LRRC7: variants seen among roughly 807,000 people sequenced by gnomAD.
LRRC7 encodes leucine-rich repeat-containing protein 7.
Under a neutral mutation model 175.7 loss-of-function variants are expected in LRRC7, and 23 were observed. The observed-to-expected ratio is 0.13, with a 90% CI of 0.09 to 0.19. The LOEUF (loss-of-function observed/expected upper bound fraction) is 0.19, where lower values mean the gene tolerates loss of function less well. Ranked by LOEUF, LRRC7 falls within the 10% of genes least tolerant of loss-of-function variation. The probability of loss-of-function intolerance (pLI) is 1.00; values close to 1 mark genes in which losing one functional copy is unlikely to be tolerated. For synonymous variants in LRRC7, 685 were observed against 680.9 expected, an observed-to-expected ratio of 1.01 and a Z score of -0.09; for missense variants, 1,354 against 1,904.7, an observed-to-expected ratio of 0.71 and a Z score of 5.38.
rs572676296 is a variant in LRRC7, at chr1:69,685,710, CAG to C, written c.100+7234_100+7235del. Among the ~76,000 whole-genome samples the C allele has an allele frequency of 6.0e-3, 905 of 151,958 alleles. 7 individuals are homozygous for C. The highest frequency in any genetic ancestry group is 0.01 in the Non-Finnish European group (702 of 67,912). Reference sequence around the variant, plus strand: ...AGAATATACACTAAACAAAAATGAACAGAACCTCAGGGATTTGTGGAAAAATA... The same window carrying C: ...AGAATATACACTAAACAAAAATGAACAACCTCAGGGATTTGTGGAAAAATA... On this transcript the variant is annotated intron_variant, in intron 2 of 26. Coordinates refer to ENST00000651989, the MANE Select transcript of LRRC7 (RefSeq NM_001370785.2).
At chr1:70,063,367 A>G (rs1379542781) in intron 23 of LRRC7, among the ~76,000 whole-genome samples, 1 of 152,110 alleles carries the variant, frequency 6.6e-6, no homozygotes, top group Admixed American at 6.6e-5. Flanking sequence ...AAAAGCAAAA[A>G]TGCAGAATTA....
chr1:69,954,653 G>C (rs1446281357), intron 8 of LRRC7, among the ~76,000 whole-genome samples: 1 of 151,992 alleles, frequency 6.6e-6, no homozygotes, highest in African/African-American at 2.4e-5. Context: ...CTTACTGACT[G>C]GGTAATGTGA....
chr1:69,874,826 T>C (rs1453467658), intron 7 of LRRC7: 1 of 152,070 alleles, frequency 6.6e-6, no homozygotes, highest in Non-Finnish European at 1.5e-5. Flanking sequence ...TTTCCATGAG[T>C]ACTTATGAAG....
chr1:70,094,565 C>T (rs1490774235), intron 25 of LRRC7, among the ~76,000 whole-genome samples: 4 of 152,044 alleles, frequency 2.6e-5, no homozygotes, highest in Admixed American at 2.6e-4. Context: ...ATTATTGCCT[C>T]CAGATGCCCA....
At chr1:69,875,083 C>T (rs1431237433) in intron 7 of LRRC7, 1 of 151,982 alleles carries the variant, frequency 6.6e-6, no homozygotes, top group East Asian at 1.9e-4. Flanking sequence ...CCTTCAAATG[C>T]CACCAATTTA....
chr1:69,696,550 A>T (rs1456216008), intron 2 of LRRC7, among the ~76,000 whole-genome samples: 1 of 152,096 alleles, frequency 6.6e-6, no homozygotes, highest in Non-Finnish European at 1.5e-5. Flanking sequence ...AGAACAAGAG[A>T]TGATGTGGAG....
rs1194164492 is a variant in LRRC7 at position 70,028,276 on chromosome 1, G to A, written c.1900G>A (p.Val634Ile). The A allele has an allele frequency of 1.2e-6, 2 of 1,613,714 alleles. No homozygotes were observed. Among genetic ancestry groups the A allele is most frequent in the African/African-American group, 1.3e-5 (1 of 74,922 alleles). The stretch of plus-strand genomic sequence containing the variant: ...GGGTAAGCCAAGCCATGGAGTGCGT[G>A]TTGAGAATTCAAATCCAACTGCTAA... ...LVGKPSHGVR[V>I]ENSNPTANTE... Residue 634 changes from valine to isoleucine, a missense_variant, in exon 18 of 27, where the codon GTT becomes ATT. Coordinates refer to ENST00000651989, the MANE Select transcript of LRRC7 (RefSeq NM_001370785.2).
At chr1:69,719,307 A>G (rs924605934) in intron 2 of LRRC7, among the ~76,000 whole-genome samples, 2 of 151,776 alleles carry the variant, frequency 1.3e-5, no homozygotes, top group Non-Finnish European at 3.0e-5. Context: ...GTAATTATTC[A>G]ATGAATAAAT....
At chr1:70,045,064 T>C (rs1438715200) in intron 22 of LRRC7, among the ~76,000 whole-genome samples, 2 of 152,006 alleles carry the variant, frequency 1.3e-5, no homozygotes, top group Non-Finnish European at 1.5e-5. Flanking sequence ...GTTAATCTAG[T>C]TTTTTAATAA....
chr1:69,878,576 A>G (rs1422056778), intron 7 of LRRC7, among the ~76,000 whole-genome samples: 4 of 152,144 alleles, frequency 2.6e-5, no homozygotes, highest in African/African-American at 7.2e-5. Context: ...CTTCTGGCAG[A>G]TTTTCTGAGT....
At chr1:69,703,400 T>C (rs1663623847) in intron 2 of LRRC7, among the ~76,000 whole-genome samples, 1 of 152,056 alleles carries the variant, frequency 6.6e-6, no homozygotes, top group South Asian at 2.1e-4. Context: ...GTATTTTAGA[T>C]AAATTTTTAG....
At chr1:70,001,232 T>C (rs538199258) in intron 11 of LRRC7, among the ~76,000 whole-genome samples, 1 of 152,256 alleles carries the variant, frequency 6.6e-6, no homozygotes, top group East Asian at 1.9e-4. Flanking sequence ...TCAGTGTTCT[T>C]TAGTAAGAGG....
At chr1:69,918,081 T>C (rs1646773439) in intron 7 of LRRC7, among the ~76,000 whole-genome samples, 1 of 152,210 alleles carries the variant, frequency 6.6e-6, no homozygotes, top group Non-Finnish European at 1.5e-5. Context: ...AATCTATCCA[T>C]ACTTTTATCG....
At chr1:69,795,199 G>A (rs1327976899) in intron 4 of LRRC7, among the ~76,000 whole-genome samples, 4 of 152,110 alleles carry the variant, frequency 2.6e-5, no homozygotes, top group African/African-American at 9.7e-5. Context: ...GGCCAACATG[G>A]TGAAACCCCG....
At chr1:69,906,579 G>A (rs1349873885) in intron 7 of LRRC7, among the ~76,000 whole-genome samples, 1 of 152,084 alleles carries the variant, frequency 6.6e-6, no homozygotes, top group Non-Finnish European at 1.5e-5. Flanking sequence ...TAGATATGTG[G>A]CATGATTTCT....
At chr1:69,588,286 AT>A (rs1192879405) in intron 1 of LRRC7, among the ~76,000 whole-genome samples, 1 of 151,768 alleles carries the variant, frequency 6.6e-6, no homozygotes, top group Non-Finnish European at 1.5e-5. Flanking sequence ...ATGGCATCTT[AT>A]TTTTTTTGCA....
At chr1:69,724,786 T>C (rs1344858640) in intron 2 of LRRC7, among the ~76,000 whole-genome samples, 1 of 152,216 alleles carries the variant, frequency 6.6e-6, no homozygotes, top group Non-Finnish European at 1.5e-5. Context: ...ATTTTGTGGT[T>C]ATTGAATTTT....
At chr1:69,978,995 A>G (rs1332569779) in intron 8 of LRRC7, among the ~76,000 whole-genome samples, 3 of 151,400 alleles carry the variant, frequency 2.0e-5, no homozygotes, top group African/African-American at 4.8e-5. Flanking sequence ...ACCAGGATCT[A>G]TCCTTTAGCT....
chr1:69,932,861 T>C (rs1319534902), intron 8 of LRRC7, among the ~76,000 whole-genome samples: 2 of 152,228 alleles, frequency 1.3e-5, no homozygotes. Flanking sequence ...GTTGGCAGCA[T>C]ATGCTGGTCT....
Sources: allele counts gnomAD v4.1 joint callset (sites outside exome capture counted in the v4.1 genomes callset), GRCh38; gene constraint gnomAD v4.1.1; transcripts MANE v1.5; gene names NCBI Gene and HGNC (gene_info 2026-07-23, HGNC 2026-07-21).